Variants in PTGER3 observed in about 807,000 individuals in gnomAD.
PTGER3 encodes the protein prostaglandin E receptor 3, also known as prostaglandin E2 receptor EP3 subtype.
A neutral mutation model predicts 34.7 loss-of-function variants in PTGER3; 22 were observed. That is an observed-to-expected ratio of 0.63 (90% CI 0.45 to 0.91). The LOEUF (loss-of-function observed/expected upper bound fraction) is 0.91. Among genes scored for constraint, PTGER3 ranks in the 40% least tolerant of loss-of-function variants. The pLI, the probability that PTGER3 is intolerant of heterozygous loss-of-function variation, is 0.00. For synonymous variants in PTGER3, 241 were observed against 230.1 expected, an observed-to-expected ratio of 1.05 and a Z score of -0.43; for missense variants, 468 against 519.4, an observed-to-expected ratio of 0.90 and a Z score of 0.96.
At position 71,047,058 on chromosome 1, in the gene PTGER3, T is replaced by G; in HGVS notation, c.520A>C (p.Thr174Pro). Reference sequence around the variant, plus strand: ...CACACGCCGAGCAGCACAGCGCGGGTGGCACGCGTCTTCATGTGGCTCGCA... The same window carrying G: ...CACACGCCGAGCAGCACAGCGCGGGGGGCACGCGTCTTCATGTGGCTCGCA... ...WYASHMKTRA[T>P]RAVLLGVWLA... is the part of the protein sequence containing the mutation. Residue 174 changes from threonine (T) to proline (P), a missense_variant, in exon 1 of 4, where the codon ACC (threonine) becomes CCC (proline). Physicochemically the swap from Thr to Pro is conservative, Grantham distance 38. Around this residue, in one of 5 missense-constraint regions of PTGER3, gnomAD observed 204 missense variants for 230.8 expected, o/e 0.88. Coordinates refer to ENST00000306666, the MANE Select transcript of PTGER3 (RefSeq NM_198719.2). 1.2e-6 allele frequency: 2 copies of G among 1,611,676 alleles called. No individual in the cohort carries two copies. The highest frequency in any genetic ancestry group is 1.7e-6 in the Non-Finnish European group (2 of 1,179,370).
chr1:71,026,838 C>T (rs1361557795), intron 1 of PTGER3, among the ~76,000 whole-genome samples: 1 of 151,990 alleles, frequency 6.6e-6, no homozygotes, highest in East Asian at 1.9e-4. Flanking sequence ...AACTTTTTCT[C>T]TGTATTCTGG....
rs539433409 is a variant in PTGER3, at chr1:70,986,086, G to T, written c.1078-11698C>A. ...AAGATGGCGACAAGAGTGATCTCAG[G>T]TCATCCTCACTGCTACACTCCCACC... On this transcript the variant is annotated intron_variant, in intron 2 of 3. Coordinates refer to ENST00000306666, the MANE Select transcript of PTGER3 (RefSeq NM_198719.2). Among the ~76,000 whole-genome samples the T allele has an allele frequency of 5.5e-4, 84 of 152,186 alleles. No individual in the cohort carries two copies. In the Middle Eastern group the frequency reaches 0.014, roughly 25 times the overall value.
chr1:71,023,327 A>T (rs546825328), intron 1 of PTGER3, among the ~76,000 whole-genome samples: 4 of 152,032 alleles, frequency 2.6e-5, no homozygotes, highest in Non-Finnish European at 2.9e-5. Context: ...TTCTGATTTT[A>T]TTACTAATTT....
intron 4 of PTGER3, among the ~76,000 whole-genome samples, chr1:70,901,231 T>C (rs1053982628): frequency 1.3e-5 from 2 of 152,164 alleles, no homozygotes; most frequent in Non-Finnish European, 2.9e-5. Context: ...GTTCCGCAAA[T>C]GCTCACAAAT....
intron 4 of PTGER3, among the ~76,000 whole-genome samples, chr1:70,935,693 A>ATATATATATATATATATATT (rs1491421864): frequency 1.2e-4 from 17 of 140,768 alleles, no homozygotes; most frequent in African/African-American, 3.9e-4. Flanking sequence ...ATATATATAT[A>ATATATATATATATATATATT]TGTTCTGCTT....
intron 1 of PTGER3, among the ~76,000 whole-genome samples, chr1:71,023,393 C>T (rs1040136795): frequency 6.6e-5 from 10 of 151,900 alleles, no homozygotes; most frequent in Admixed American, 4.6e-4. Flanking sequence ...TCCTGTTTCT[C>T]GCTGTCTCAA....
At chr1:71,013,807 T>G (rs768782732) in intron 1 of PTGER3, among the ~76,000 whole-genome samples, 2 of 152,006 alleles carry the variant, frequency 1.3e-5, no homozygotes, top group Non-Finnish European at 2.9e-5. Context: ...CCAAGAGTAC[T>G]GTATATGACT....
downstream of PTGER3, among the ~76,000 whole-genome samples, chr1:70,966,445 G>A (rs1428384953): frequency 1.3e-5 from 2 of 151,860 alleles, no homozygotes; most frequent in Non-Finnish European, 2.9e-5. Flanking sequence ...TAATATGCAG[G>A]CTTATATTTA....
intron 2 of PTGER3, among the ~76,000 whole-genome samples, chr1:70,996,709 G>A (rs1656000044): frequency 7.1e-6 from 1 of 140,420 alleles, no homozygotes; most frequent in Non-Finnish European, 1.5e-5. Flanking sequence ...TGTCGCGCAG[G>A]CTGGAGTGCA....
intron 2 of PTGER3, chr1:71,008,734 A>G (rs1657185523): frequency 2.0e-6 from 2 of 975,886 alleles, no homozygotes; most frequent in Non-Finnish European, 2.4e-6. Flanking sequence ...AGATTTTGAG[A>G]TATGTAAACA....
intron 2 of PTGER3, among the ~76,000 whole-genome samples, chr1:70,963,779 T>C (rs1440889915): frequency 6.6e-6 from 1 of 152,202 alleles, no homozygotes; most frequent in African/African-American, 2.4e-5. Flanking sequence ...TTCTTGGTGA[T>C]TCACATTGGG....
At chr1:70,931,879 G>GA (rs1458625503) in intron 4 of PTGER3, among the ~76,000 whole-genome samples, 24 of 152,170 alleles carry the variant, frequency 1.6e-4, no homozygotes, top group African/African-American at 5.6e-4. Flanking sequence ...TCAGCTCCTT[G>GA]CTACTTATAC....
chr1:70,976,383 A>G (rs150303075), intron 2 of PTGER3, among the ~76,000 whole-genome samples: 2 of 152,288 alleles, frequency 1.3e-5, no homozygotes, highest in East Asian at 3.9e-4. Context: ...CAATTGCAAT[A>G]AACATACCAC....
At chr1:70,946,448 C>T (rs892675245) in intron 4 of PTGER3, among the ~76,000 whole-genome samples, 3 of 152,140 alleles carry the variant, frequency 2.0e-5, no homozygotes, top group African/African-American at 7.2e-5. Context: ...AGTGCGTGCT[C>T]TTTACCACTA....
At chr1:70,858,402 A>G (rs1046513871) in intron 4 of PTGER3, among the ~76,000 whole-genome samples, 3 of 152,112 alleles carry the variant, frequency 2.0e-5, no homozygotes, top group Admixed American at 6.5e-5. Context: ...CTAAATTTCT[A>G]TTATTCTCTG....
intron 2 of PTGER3, among the ~76,000 whole-genome samples, chr1:70,977,875 C>T (rs1414756894): frequency 6.6e-6 from 1 of 152,116 alleles, no homozygotes; most frequent in East Asian, 1.9e-4. Flanking sequence ...AAGTGACATG[C>T]AGTCTCAGGT....
intron 4 of PTGER3, among the ~76,000 whole-genome samples, chr1:70,888,903 T>C (rs1053140956): frequency 6.6e-6 from 1 of 152,164 alleles, no homozygotes; most frequent in Non-Finnish European, 1.5e-5. Context: ...GTATGAATAA[T>C]GTGCATAACA....
intron 4 of PTGER3, among the ~76,000 whole-genome samples, chr1:70,913,772 G>T (rs749325591): frequency 1.3e-5 from 2 of 151,724 alleles, no homozygotes; most frequent in Non-Finnish European, 3.0e-5. Flanking sequence ...TTAATATGAT[G>T]AAGTACCTTG....
At chr1:71,024,755 G>T (rs556115034) in intron 1 of PTGER3, among the ~76,000 whole-genome samples, 2 of 147,612 alleles carry the variant, frequency 1.4e-5, no homozygotes, top group Non-Finnish European at 1.5e-5. Flanking sequence ...GGGTTTCACC[G>T]TGTTGACCAG....
Sources: allele counts gnomAD v4.1 joint callset (sites outside exome capture counted in the v4.1 genomes callset), GRCh38; gene constraint gnomAD v4.1.1; regional missense constraint gnomAD v4.1.1; transcripts MANE v1.5; gene names NCBI Gene and HGNC (gene_info 2026-07-23, HGNC 2026-07-21).